ASAP2: variants seen among roughly 807,000 people sequenced by gnomAD.
ASAP2 encodes ArfGAP with SH3 domain, ankyrin repeat and PH domain 2.
In ASAP2, 45 loss-of-function variants were observed where a neutral mutation model predicts 131.4. The ratio of observed to expected loss-of-function variants is 0.34; its 90% CI spans 0.27 to 0.44. The LOEUF (loss-of-function observed/expected upper bound fraction) is 0.44. Ranked by LOEUF, ASAP2 falls within the 20% of genes least tolerant of loss-of-function variation. The probability of loss-of-function intolerance (pLI) is 1.00; values close to 1 mark genes in which losing one functional copy is unlikely to be tolerated. For synonymous variants in ASAP2, 510 were observed against 503.0 expected, an observed-to-expected ratio of 1.01 and a Z score of -0.19; for missense variants, 1,011 against 1,297.0, an observed-to-expected ratio of 0.78 and a Z score of 3.39.
chr2:9,328,578 G>T (rs1342794365), intron 7 of ASAP2, among the ~76,000 whole-genome samples: 2 of 152,228 alleles, frequency 1.3e-5, no homozygotes, highest in East Asian at 3.8e-4. Flanking sequence ...ATGAGCAAAG[G>T]AAGATGTTAG....
At chr2:9,395,612 T>C (rs1572633034) in intron 24 of ASAP2, among the ~76,000 whole-genome samples, 1 of 105,480 alleles carries the variant, frequency 9.5e-6, no homozygotes, top group African/African-American at 4.5e-5. Context: ...TTTTTTTTTT[T>C]TTTTTTTTTT....
rs941493172 is a variant in ASAP2, at chr2:9,356,043, G to A, written c.1112-4G>A. ...TCACAGTTGAAATTCCTCTTGCTAT[G>A]CAGATGACAGAACTTACCACTTTCA... On this transcript the variant is annotated splice_polypyrimidine_tract_variant and splice_region_variant and intron_variant, in intron 12 of 27. Transcript: ENST00000281419. 12 of 1,614,018 alleles carry A rather than the reference G, an allele frequency of 7.4e-6. No individual in the cohort carries two copies. Among genetic ancestry groups the A allele is most frequent in the Admixed American group, 6.7e-5 (4 of 60,002 alleles).
intron 15 of ASAP2, among the ~76,000 whole-genome samples, chr2:9,361,581 T>A (rs1248543211): frequency 3.3e-5 from 5 of 152,114 alleles, no homozygotes; most frequent in Non-Finnish European, 5.9e-5. Flanking sequence ...TTTCCTTTTC[T>A]TTTTTTGACA....
chr2:9,334,067 G>GTTTA (rs1558340525), intron 7 of ASAP2, among the ~76,000 whole-genome samples: 1 of 120,912 alleles, frequency 8.3e-6, no homozygotes, highest in African/African-American at 3.2e-5. Flanking sequence ...TTTTTTTTTG[G>GTTTA]GAGACAGTCT....
At chr2:9,356,117 CTT>C in intron 13 of ASAP2, 22 bp downstream of exon 13, 2 of 1,614,148 alleles carry the variant, frequency 1.2e-6, no homozygotes. Context: ...GGTGGTGGGA[CTT>C]TGGGCTGGAC....
intron 22 of ASAP2, 148 bp downstream of exon 22, chr2:9,388,694 T>C (rs1675492228): frequency 8.2e-7 from 1 of 1,218,842 alleles, no homozygotes; most frequent in African/African-American, 1.5e-5. Context: ...AGGGATTCCA[T>C]CATTCTTATC....
chr2:9,292,473 G>A (rs955490246), intron 2 of ASAP2, among the ~76,000 whole-genome samples: 1 of 152,128 alleles, frequency 6.6e-6, no homozygotes. Flanking sequence ...AGCCGAGATT[G>A]CACCACTGCA....
intron 1 of ASAP2, among the ~76,000 whole-genome samples, chr2:9,263,192 G>A (rs1160877977): frequency 6.6e-6 from 1 of 152,132 alleles, no homozygotes; most frequent in Non-Finnish European, 1.5e-5. Flanking sequence ...CTGGTGTCAT[G>A]TCCCCTCTTG....
intron 22 of ASAP2, among the ~76,000 whole-genome samples, 157 bp downstream of exon 22, chr2:9,388,703 T>C (rs1040183683): frequency 6.6e-6 from 1 of 152,232 alleles, no homozygotes; most frequent in Non-Finnish European, 1.5e-5. Context: ...ATCATTCTTA[T>C]CAGGCCAGAT....
chr2:9,221,929 G>A (rs1662448855), intron 1 of ASAP2, among the ~76,000 whole-genome samples: 1 of 151,864 alleles, frequency 6.6e-6, no homozygotes. Context: ...GAGTAGCTGG[G>A]ACTACAGGTG....
intron 5 of ASAP2, 69 bp from the exon 6 acceptor site, chr2:9,323,052 G>A: frequency 1.3e-6 from 2 of 1,591,704 alleles, no homozygotes; most frequent in Non-Finnish European, 1.7e-6. Flanking sequence ...GTACTGGGGT[G>A]GCTTCAAGGC....
At chr2:9,263,319 G>T (rs1261507034) in intron 1 of ASAP2, among the ~76,000 whole-genome samples, 1 of 152,240 alleles carries the variant, frequency 6.6e-6, no homozygotes, top group African/African-American at 2.4e-5. Context: ...AGGCCCCCTT[G>T]TGCCACTGTG....
At chr2:9,328,343 T>C (rs552741166) in intron 7 of ASAP2, among the ~76,000 whole-genome samples, 1 of 152,330 alleles carries the variant, frequency 6.6e-6, no homozygotes, top group African/African-American at 2.4e-5. Context: ...CTTTATGGCT[T>C]AGGGATTATA....
chr2:9,399,916 C>A, intron 24 of ASAP2, 107 bp from the exon 25 acceptor site: 1 of 1,171,640 alleles, frequency 8.5e-7, no homozygotes, highest in Non-Finnish European at 1.3e-6. Flanking sequence ...AGGAAACCAC[C>A]TCACACACTC....
At chr2:9,238,407 T>G (rs532158101) in intron 1 of ASAP2, among the ~76,000 whole-genome samples, 1 of 152,352 alleles carries the variant, frequency 6.6e-6, no homozygotes, top group Admixed American at 6.5e-5. Flanking sequence ...TGTCCACAGC[T>G]TTGCTGAGCT....
intron 8 of ASAP2, 115 bp from the exon 9 acceptor site, chr2:9,334,978 C>A (rs1671104198): frequency 1.5e-6 from 2 of 1,354,068 alleles, no homozygotes; most frequent in Admixed American, 3.6e-5. Flanking sequence ...AAGGTTTGAC[C>A]AGCGAGGGAG....
chr2:9,377,271 C>A (rs1199252938), intron 18 of ASAP2, among the ~76,000 whole-genome samples: 9 of 152,076 alleles, frequency 5.9e-5, no homozygotes, highest in Admixed American at 6.5e-5. Flanking sequence ...ACTTGGGGAC[C>A]CCATGACCAC....
At chr2:9,372,674 C>T (rs1674069323) in intron 16 of ASAP2, among the ~76,000 whole-genome samples, 1 of 152,006 alleles carries the variant, frequency 6.6e-6, no homozygotes, top group Non-Finnish European at 1.5e-5. Context: ...TCATAAAAAC[C>T]AGTAAGATAA....
At chr2:9,345,010 A>T (rs1307703387) in intron 11 of ASAP2, among the ~76,000 whole-genome samples, 1 of 150,242 alleles carries the variant, frequency 6.7e-6, no homozygotes, top group Non-Finnish European at 1.5e-5. Context: ...TTTTAATTTT[A>T]ATTTTAATTT....
Sources: gnomAD v4.1 joint callset for allele counts (sites outside exome capture counted in the v4.1 genomes callset) on GRCh38, gnomAD v4.1.1 for gene constraint, MANE v1.5 for transcripts, NCBI Gene and HGNC (gene_info 2026-07-23, HGNC 2026-07-21) for gene names.